The following GNPTAB variants were observed in gnomAD, a reference collection of about 807,000 sequenced individuals.
GNPTAB encodes N-acetylglucosamine-1-phosphate transferase subunits alpha and beta.
A neutral mutation model predicts 136.6 loss-of-function variants in GNPTAB; 92 were observed. The ratio of observed to expected loss-of-function variants is 0.67; its 90% CI spans 0.57 to 0.80. The LOEUF (loss-of-function observed/expected upper bound fraction) is 0.80, where lower values mean the gene tolerates loss of function less well. Ranked by LOEUF, GNPTAB falls within the 30% of genes least tolerant of loss-of-function variation. GNPTAB has a pLI of 0.00. For synonymous variants in GNPTAB, 512 were observed against 535.1 expected (o/e 0.96, Z 0.60); for missense variants, 1,343 against 1,501.8 (o/e 0.89, Z 1.75).
At chr12:101,820,548 T>C (rs182507515) in intron 1 of GNPTAB, among the ~76,000 whole-genome samples, 4 of 152,288 alleles carry the variant, frequency 2.6e-5, no homozygotes, top group Admixed American at 2.0e-4. Context: ...CTGTGCACTA[T>C]AGGATGTTTG....
Position 101,790,037 on chromosome 12 carries a change from A to T in GNPTAB, c.224T>A (p.Ile75Asn). 6.2e-7 allele frequency: 1 copy of T among 1,614,170 alleles called. No homozygotes were observed. The highest frequency in any genetic ancestry group is 8.5e-7 in the Non-Finnish European group (1 of 1,179,998). ...FQNRLCLPMP[I>N]DVVYTWVNGT... ...ATTCACCCAGGTGTAAACAACGTCA[A>T]TCGGCATGGGCAGACAAAGCCTAGG... Residue 75 changes from isoleucine (I) to asparagine (N), a missense_variant, in exon 3 of 21, where the codon ATT becomes AAT. Physicochemically the swap from Ile to Asn is moderately radical, Grantham distance 149. Transcript: ENST00000299314.
intron 7 of GNPTAB, 92 bp from the exon 8 acceptor site, chr12:101,771,249 T>A: frequency 1.2e-6 from 1 of 827,756 alleles, no homozygotes. Context: ...ATCTTTCCTT[T>A]TTTTTTTTTT....
Position 101,789,999 on chromosome 12 carries a change from C to A in GNPTAB, c.262G>T (p.Glu88Ter). ...VYTWVNGTDL[E>*]LLKELQQVRE... Reference sequence around the variant, plus strand: ...ACCTGCTGTAGTTCCTTCAGTAGTTCAAGATCTGTGCCATTCACCCAGGTG... The same window carrying A: ...ACCTGCTGTAGTTCCTTCAGTAGTTAAAGATCTGTGCCATTCACCCAGGTG... The change falls in exon 3 of 21, where the codon GAA becomes TAA. Residue 88 changes from glutamate (E) to a stop codon, truncating the protein, a stop_gained. Transcript: ENST00000299314. LOFTEE classifies it high-confidence loss of function. The A allele has an allele frequency of 6.2e-7, 1 of 1,614,176 alleles. No individual in the cohort carries two copies. The highest frequency in any genetic ancestry group is 8.5e-7 in the Non-Finnish European group (1 of 1,180,014).
intron 1 of GNPTAB, among the ~76,000 whole-genome samples, chr12:101,824,358 G>A (rs571351884): frequency 6.1e-5 from 8 of 130,316 alleles, no homozygotes; most frequent in Admixed American, 4.3e-4. Context: ...AGAGATTCCT[G>A]ATGACATCAT....
At chr12:101,805,696 A>AT (rs35424660) in intron 1 of GNPTAB, among the ~76,000 whole-genome samples, 145 of 152,182 alleles carry the variant, frequency 9.5e-4, no homozygotes, top group South Asian at 1.9e-3. Context: ...CAAGAATGTT[A>AT]TTTTTTTAAA....
At chr12:101,798,224 TTCCC>T (rs1329028121) in intron 1 of GNPTAB, among the ~76,000 whole-genome samples, 1 of 152,252 alleles carries the variant, frequency 6.6e-6, no homozygotes, top group East Asian at 1.9e-4. Flanking sequence ...TTTCTTGGTT[TTCCC>T]TCCTGTCGCC....
chr12:101,828,317 G>C (rs1871205496), intron 1 of GNPTAB, among the ~76,000 whole-genome samples: 1 of 152,136 alleles, frequency 6.6e-6, no homozygotes, highest in African/African-American at 2.4e-5. Flanking sequence ...TCCTTCCCAA[G>C]ATCAGACAAG....
chr12:101,830,560 TCTCCG>T lies in GNPTAB; in HGVS notation c.111_115del (p.Phe37LeufsTer16). The T allele has an allele frequency of 6.2e-7, 1 of 1,601,528 alleles. No individual in the cohort carries two copies. The highest frequency in any genetic ancestry group is 8.5e-7 in the Non-Finnish European group (1 of 1,170,156). On this transcript the variant is annotated frameshift_variant and splice_region_variant, in exon 1 of 21. Transcript: ENST00000299314. LOFTEE classifies it high-confidence loss of function. ...CCAGGCTGCGGCGCCGCTACTCACC[TCTCCG>T]AACTGGAAGGCGGAGACGATGGTGA...
intron 7 of GNPTAB, chr12:101,778,917 C>T (rs4764815): frequency 0.63 from 95,774 of 150,910 alleles, 31,776 homozygotes; most frequent in East Asian, 0.9. Context: ...AAAAAAAAAG[C>T]TATGAAGAAA....
rs905698150 is a variant in GNPTAB, at chr12:101,810,239, C to T, written c.118-13477G>A. On this transcript the variant is annotated intron_variant, in intron 1 of 20. Coordinates refer to ENST00000299314, the MANE Select transcript of GNPTAB (RefSeq NM_024312.5). ...CCAGCCTGGGCAACAGAGCAAGACC[C>T]GGTCTCTAAAAATAATAATAAGTAA... Among the ~76,000 whole-genome samples the T allele has an allele frequency of 1.2e-4, 18 of 151,878 alleles. No individual in the cohort carries two copies. The South Asian group carries it at 1.2e-3, about 11-fold the overall frequency.
In GNPTAB at chr12:101,761,270, A is replaced by T. The variant is rs752255426; in HGVS notation, c.2992T>A (p.Phe998Ile). Residue 998 changes from phenylalanine to isoleucine, a missense_variant, in exon 15 of 21, where the codon TTT becomes ATT. By Grantham distance (21) the Phe-to-Ile change is conservative. Coordinates refer to ENST00000299314, the MANE Select transcript of GNPTAB (RefSeq NM_024312.5). The stretch of plus-strand genomic sequence containing the variant: ...TGCACTGCACTCATGAGATAATAAA[A>T]ATAAGAGAAGGCAAACTGCATATCC... ...SEDMQFAFSY[F>I]YYLMSAVQPL... 1.9e-5 allele frequency: 31 copies of T among 1,614,060 alleles called. No homozygotes were observed. Among genetic ancestry groups the T allele is most frequent in the Non-Finnish European group, 2.5e-5 (29 of 1,180,020 alleles).
intron 1 of GNPTAB, among the ~76,000 whole-genome samples, chr12:101,805,898 A>T (rs1869909782): frequency 6.6e-6 from 1 of 152,216 alleles, no homozygotes. Context: ...TATTACCGAT[A>T]AAAACGAAAT....
At chr12:101,780,736 CA>C in intron 5 of GNPTAB, 115 bp from the exon 6 acceptor site, 8 of 762,832 alleles carry the variant, frequency 1.0e-5, no homozygotes, top group Admixed American at 4.5e-5. Flanking sequence ...ATATATGGTC[CA>C]AAAAAAGGAA....
chr12:101,827,965 A>G (rs1251907075), intron 1 of GNPTAB, among the ~76,000 whole-genome samples: 1 of 152,150 alleles, frequency 6.6e-6, no homozygotes, highest in African/African-American at 2.4e-5. Flanking sequence ...ACTCTATCTC[A>G]AAACAAAACA....
intron 1 of GNPTAB, among the ~76,000 whole-genome samples, chr12:101,828,059 G>A (rs1871190281): frequency 6.6e-6 from 1 of 152,210 alleles, no homozygotes; most frequent in Admixed American, 6.5e-5. Flanking sequence ...TTATTAACAA[G>A]TTGGTAATAT....
At chr12:101,811,004 T>C (rs1870201076) in intron 1 of GNPTAB, among the ~76,000 whole-genome samples, 1 of 152,176 alleles carries the variant, frequency 6.6e-6, no homozygotes, top group African/African-American at 2.4e-5. Context: ...TCAGAAGGGT[T>C]TGCGAGTATC....
intron 1 of GNPTAB, among the ~76,000 whole-genome samples, chr12:101,798,957 T>C (rs1295559039): frequency 6.6e-6 from 1 of 152,106 alleles, no homozygotes; most frequent in Non-Finnish European, 1.5e-5. Flanking sequence ...CAAGAAAAAG[T>C]TGAATGGTTT....
chr12:101,764,827 A>T lies in GNPTAB; in HGVS notation c.2090T>A (p.Leu697Gln). Residue 697 changes from leucine to glutamine, a missense_variant, in exon 13 of 21, where the codon CTG becomes CAG. Coordinates refer to ENST00000299314, the MANE Select transcript of GNPTAB (RefSeq NM_024312.5). Reference protein sequence around the residue: ...RRAQEEVKIPLVNISLLPKDA... With the variant: ...RRAQEEVKIPQVNISLLPKDA... ...TTTTGGAAGGAGTGAAATATTTACC[A>T]GGGGAATTTTCACCTCTTCCTGGGC... 1 of 1,614,152 alleles carries T rather than the reference A, an allele frequency of 6.2e-7. No homozygotes were observed. Among genetic ancestry groups the T allele is most frequent in the Middle Eastern group, 1.6e-4 (1 of 6,062 alleles).
Position 101,768,315 on chromosome 12 carries a change from G to A in GNPTAB, c.1285-155C>T, listed in dbSNP as rs531349798. Among the ~76,000 whole-genome samples the A allele has an allele frequency of 7.2e-5, 11 of 152,320 alleles. No homozygotes were observed. In the South Asian group the frequency reaches 1.7e-3, roughly 23 times the overall value. ...TCACACTCACAAGTGCTTTAAGTTT[G>A]CCTGTACCTACAGTCATTGTTTAGA... On this transcript the variant is annotated intron_variant, in intron 10 of 20. Transcript: ENST00000299314.
Sources: gnomAD v4.1 joint callset for allele counts (sites outside exome capture counted in the v4.1 genomes callset) on GRCh38, gnomAD v4.1.1 for gene constraint, MANE v1.5 for transcripts, NCBI Gene and HGNC (gene_info 2026-07-23, HGNC 2026-07-21) for gene names.